Variants in SLC47A2 observed in about 807,000 individuals in gnomAD.
SLC47A2 encodes the protein solute carrier family 47 member 2.
SLC47A2 carries 52 observed loss-of-function variants against 67.7 expected under a neutral mutation model. That is an observed-to-expected ratio of 0.77 (90% CI 0.61 to 0.97). SLC47A2 has a LOEUF of 0.97. SLC47A2 is among the 50% of genes least tolerant of loss of function. SLC47A2 has a pLI of 0.00. For missense variants in SLC47A2, 676 were observed against 712.3 expected, an observed-to-expected ratio of 0.95 and a Z score of 0.58; for synonymous variants, 278 against 292.9, an observed-to-expected ratio of 0.95 and a Z score of 0.52.
At chr17:19,678,928 A>C (rs2085250615) in intron 16 of SLC47A2, 22 bp from the exon 17 acceptor site, 1 of 1,552,674 alleles carries the variant, frequency 6.4e-7, no homozygotes, top group African/African-American at 1.4e-5. Context: ...AACAGGAGCA[A>C]ACTCAGCAGG....
Position 19,681,642 on chromosome 17 carries a change from G to A in SLC47A2, c.1193C>T (p.Thr398Ile), listed in dbSNP as rs750930475. 2.5e-6 allele frequency: 4 copies of A among 1,613,988 alleles called. No individual in the cohort carries two copies. Among genetic ancestry groups the A allele is most frequent in the East Asian group, 4.5e-5 (2 of 44,880 alleles). Residue 398 changes from threonine (T) to isoleucine (I), a missense_variant, in exon 14 of 17, where the codon ACT becomes ATT. Transcript: ENST00000433844. ...CCVYGGVLRG[T>I]GKQAFGAAVN... ...AGCGGCACCAAAGGCCTGCTTCCCAGTTCCTCTCAGAACTCCGCCATAGAC... is the reference window on the plus strand; with the variant it reads ...AGCGGCACCAAAGGCCTGCTTCCCAATTCCTCTCAGAACTCCGCCATAGAC...
At chr17:19,696,460 C>CAAAAA (rs35606212) in intron 13 of SLC47A2, among the ~76,000 whole-genome samples, 1 of 110,780 alleles carries the variant, frequency 9.0e-6, no homozygotes, top group Non-Finnish European at 1.8e-5. Flanking sequence ...GACTCCATCT[C>CAAAAA]AAAAAAAAAA....
At chr17:19,708,608 A>G in intron 6 of SLC47A2, 108 bp downstream of exon 6, 1 of 1,593,522 alleles carries the variant, frequency 6.3e-7, no homozygotes. Context: ...CCCTTTCAAG[A>G]GCTGGTTCAC....
intron 5 of SLC47A2, among the ~76,000 whole-genome samples, chr17:19,712,001 G>A (rs1415780494): frequency 6.6e-6 from 1 of 152,050 alleles, no homozygotes; most frequent in African/African-American, 2.4e-5. Flanking sequence ...ATTTTAAAGG[G>A]AAAAAGCGTA....
chr17:19,695,289 A>ACC, intron 13 of SLC47A2, among the ~76,000 whole-genome samples: 1 of 152,066 alleles, frequency 6.6e-6, no homozygotes, highest in Non-Finnish European at 1.5e-5. Context: ...TGATTTAGCC[A>ACC]TTTCACAATG....
In SLC47A2 at chr17:19,678,828, G is replaced by A; in HGVS notation, c.1559C>T (p.Pro520Leu). 1 of 1,613,598 alleles carries A rather than the reference G, an allele frequency of 6.2e-7. No individual in the cohort carries two copies. The highest frequency in any genetic ancestry group is 8.5e-7 in the Non-Finnish European group (1 of 1,179,776). Residue 520 changes from proline (P) to leucine (L), a missense_variant, in exon 17 of 17, where the codon CCA becomes CTA. Coordinates refer to ENST00000433844, the MANE Select transcript of SLC47A2 (RefSeq NM_001099646.3). Reference protein sequence around the residue: ...SECHVDFFRTPEEAHALSAPT... With the variant: ...SECHVDFFRTLEEAHALSAPT... Reference sequence around the variant, plus strand: ...AGCTGAAAGGGCGTGGGCCTCCTCTGGAGTCCTGAAGAAGTCCACGTGGCA... The same window carrying A: ...AGCTGAAAGGGCGTGGGCCTCCTCTAGAGTCCTGAAGAAGTCCACGTGGCA...
At chr17:19,708,477 G>A in intron 6 of SLC47A2, 78 bp from the exon 7 acceptor site, 1 of 1,614,126 alleles carries the variant, frequency 6.2e-7, no homozygotes. Flanking sequence ...GTTTGGAATG[G>A]GGACTCCTCC....
At chr17:19,704,980 C>T (rs1011337694) in intron 10 of SLC47A2, 1 of 384,764 alleles carries the variant, frequency 2.6e-6, no homozygotes, top group Non-Finnish European at 4.6e-6. Context: ...CTTGTGCCAC[C>T]ATACCTGGCT....
chr17:19,707,594 G>A, intron 8 of SLC47A2, 152 bp downstream of exon 8: 1 of 632,284 alleles, frequency 1.6e-6, no homozygotes, highest in South Asian at 2.2e-5. Flanking sequence ...TTGGGGCTGG[G>A]GAAGCAAAGG....
chr17:19,714,951 G>T, intron 2 of SLC47A2, 162 bp from the exon 3 acceptor site: 1 of 1,237,474 alleles, frequency 8.1e-7, no homozygotes, highest in East Asian at 2.4e-5. Flanking sequence ...GGGCCAGACC[G>T]CCTCCATCTC....
intron 10 of SLC47A2, 49 bp downstream of exon 10, chr17:19,705,387 C>T (rs1207091648): frequency 4.5e-6 from 7 of 1,562,664 alleles, no homozygotes; most frequent in Non-Finnish European, 6.1e-6. Flanking sequence ...ATGACACCTC[C>T]AGCCATCAGG....
intron 2 of SLC47A2, 163 bp downstream of exon 2, chr17:19,714,953 C>T (rs2086210193): frequency 1.6e-6 from 2 of 1,242,648 alleles, no homozygotes; most frequent in Admixed American, 3.7e-5. Context: ...GCCAGACCGC[C>T]TCCATCTCCG....
At chr17:19,702,773 T>C in intron 12 of SLC47A2, 99 bp from the exon 13 acceptor site, 1 of 1,340,560 alleles carries the variant, frequency 7.5e-7, no homozygotes. Flanking sequence ...GAAAAAGCTT[T>C]GGAATAGAGG....
chr17:19,712,413 T>C (rs925218444), intron 5 of SLC47A2, among the ~76,000 whole-genome samples: 6 of 152,200 alleles, frequency 3.9e-5, no homozygotes, highest in South Asian at 2.1e-4. Context: ...TGGAGAGAGA[T>C]AGTAACATAT....
chr17:19,695,679 T>C (rs1281754920), intron 13 of SLC47A2, among the ~76,000 whole-genome samples: 1 of 151,764 alleles, frequency 6.6e-6, no homozygotes, highest in Non-Finnish European at 1.5e-5. Flanking sequence ...TAACTAATAA[T>C]AAATGTTATG....
At chr17:19,711,098 T>C (rs1349535854) in intron 5 of SLC47A2, among the ~76,000 whole-genome samples, 1 of 151,952 alleles carries the variant, frequency 6.6e-6, no homozygotes, top group Non-Finnish European at 1.5e-5. Flanking sequence ...CGTGAGCCAC[T>C]GCGCCCAGCT....
intron 10 of SLC47A2, chr17:19,704,630 A>G (rs906766520): frequency 4.6e-6 from 7 of 1,529,838 alleles, no homozygotes; most frequent in Middle Eastern, 1.7e-4. Context: ...AGCTGGGGTC[A>G]GGGATAACAT....
At chr17:19,695,403 T>G (rs2085636418) in intron 13 of SLC47A2, among the ~76,000 whole-genome samples, 1 of 149,552 alleles carries the variant, frequency 6.7e-6, no homozygotes, top group African/African-American at 2.5e-5. Context: ...GGGAGAATGG[T>G]CTGAGCCCAG....
upstream of SLC47A2, chr17:19,717,817 C>T (rs979816696): frequency 9.9e-5 from 15 of 152,246 alleles, no homozygotes; most frequent in African/African-American, 3.4e-4. Context: ...AATTCTGAAA[C>T]GCTCCACTGG....
Sources: allele counts gnomAD v4.1 joint callset (sites outside exome capture counted in the v4.1 genomes callset), GRCh38; gene constraint gnomAD v4.1.1; transcripts MANE v1.5; gene names NCBI Gene and HGNC (gene_info 2026-07-23, HGNC 2026-07-21).